Variants in KCNIP4 observed in about 807,000 individuals in gnomAD.
KCNIP4 encodes Kv channel-interacting protein 4.
A neutral mutation model predicts 34.0 loss-of-function variants in KCNIP4; 12 were observed. The observed-to-expected ratio is 0.35, with a 90% confidence interval of 0.23 to 0.57. The LOEUF (loss-of-function observed/expected upper bound fraction) is 0.57, where lower values mean the gene tolerates loss of function less well. Among genes scored for constraint, KCNIP4 ranks in the 20% least tolerant of loss-of-function variants. The pLI, the probability that KCNIP4 is intolerant of heterozygous loss-of-function variation, is 0.83. For missense variants in KCNIP4, 238 were observed against 311.7 expected (o/e 0.76, Z 1.78); for synonymous variants, 124 against 102.2 (o/e 1.21, Z -1.29).
Position 21,694,186 on chromosome 4 carries a change from C to T in KCNIP4, c.61+254385G>A, listed in dbSNP as rs79334677. Reference sequence around the variant, plus strand: ...ATATGATAGGGTGTTGTATGGGTTCCTATCATACACAAATAGAAGTGTCGT... The same window carrying T: ...ATATGATAGGGTGTTGTATGGGTTCTTATCATACACAAATAGAAGTGTCGT... On this transcript the variant is annotated intron_variant, in intron 1 of 8. Coordinates refer to ENST00000382152, the MANE Select transcript of KCNIP4 (RefSeq NM_025221.6). 1.8e-3 allele frequency among the ~76,000 whole-genome samples: 274 copies of T among 152,240 alleles called. 7 individuals are homozygous for T. The South Asian group carries it at 0.036, about 20-fold the overall frequency.
chr4:21,885,496 A>G (rs1346483967), intron 1 of KCNIP4, among the ~76,000 whole-genome samples: 3 of 152,122 alleles, frequency 2.0e-5, no homozygotes, highest in Non-Finnish European at 4.4e-5. Context: ...ACTGCAGGAA[A>G]TAGAAATGAA....
chr4:20,960,895 G>A (rs1733783290), intron 1 of KCNIP4, among the ~76,000 whole-genome samples: 1 of 152,176 alleles, frequency 6.6e-6, no homozygotes, highest in South Asian at 2.1e-4. Context: ...GATTAAGGAA[G>A]TCTCTAATAA....
chr4:21,718,980 T>C (rs1714594671), intron 1 of KCNIP4: 1 of 152,226 alleles, frequency 6.6e-6, no homozygotes, highest in Non-Finnish European at 1.5e-5. Context: ...ACTGCATTTG[T>C]CATTTTAAGA....
chr4:20,864,063 T>TATGTATACGTATGTATGTATGTATATGC (rs1375416116), intron 2 of KCNIP4, among the ~76,000 whole-genome samples: 3 of 148,676 alleles, frequency 2.0e-5, no homozygotes, highest in African/African-American at 7.5e-5. Flanking sequence ...TATACACATG[T>TATGTATACGTATGTATGTATGTATATGC]ATGTATACGT....
chr4:21,834,804 G>C (rs1054791985), intron 1 of KCNIP4, among the ~76,000 whole-genome samples: 9 of 151,980 alleles, frequency 5.9e-5, no homozygotes, highest in Non-Finnish European at 8.8e-5. Context: ...TAGCATGAAG[G>C]GTTGTTGAAT....
chr4:21,881,707 G>A (rs1016526307), intron 1 of KCNIP4, among the ~76,000 whole-genome samples: 2 of 152,128 alleles, frequency 1.3e-5, no homozygotes, highest in African/African-American at 4.8e-5. Context: ...GTAAATAAAG[G>A]TCATTTATGT....
chr4:20,916,696 C>T (rs576095195), intron 1 of KCNIP4, among the ~76,000 whole-genome samples: 3 of 151,972 alleles, frequency 2.0e-5, no homozygotes, highest in African/African-American at 4.8e-5. Context: ...TTCCCTCCCC[C>T]GGGCAGTTTT....
At chr4:21,347,280 C>A (rs1717540364) in intron 1 of KCNIP4, among the ~76,000 whole-genome samples, 1 of 152,136 alleles carries the variant, frequency 6.6e-6, no homozygotes. Context: ...CTAGAGGAAC[C>A]AAAGGAGCAG....
chr4:21,127,731 T>A (rs1031786984), intron 1 of KCNIP4, among the ~76,000 whole-genome samples: 3 of 152,254 alleles, frequency 2.0e-5, no homozygotes, highest in Non-Finnish European at 2.9e-5. Context: ...TAGTAAATCG[T>A]GATTTTGAAC....
chr4:21,435,085 C>T (rs768297686), intron 1 of KCNIP4, among the ~76,000 whole-genome samples: 4 of 152,048 alleles, frequency 2.6e-5, no homozygotes, highest in East Asian at 1.9e-4. Flanking sequence ...AAACAGGGGT[C>T]GCTCTTTTCT....
At chr4:21,380,773 A>C (rs184855625) in intron 1 of KCNIP4, among the ~76,000 whole-genome samples, 14 of 151,774 alleles carry the variant, frequency 9.2e-5, no homozygotes, top group Admixed American at 6.6e-4. Flanking sequence ...AACCCTCAAA[A>C]CTGATTTTCC....
intron 1 of KCNIP4, among the ~76,000 whole-genome samples, chr4:21,092,461 T>C (rs1747079585): frequency 6.6e-6 from 1 of 152,246 alleles, no homozygotes; most frequent in Non-Finnish European, 1.5e-5. Context: ...ATATTGCTTT[T>C]CTTCTTTTAT....
At chr4:21,313,327 C>T (rs1425056100) in intron 1 of KCNIP4, among the ~76,000 whole-genome samples, 1 of 152,184 alleles carries the variant, frequency 6.6e-6, no homozygotes, top group Non-Finnish European at 1.5e-5. Flanking sequence ...ACATGCTGTA[C>T]TTCCTCACTG....
intron 3 of KCNIP4, among the ~76,000 whole-genome samples, chr4:20,828,559 T>A (rs1718050176): frequency 1.3e-5 from 2 of 152,220 alleles, no homozygotes; most frequent in African/African-American, 2.4e-5. Flanking sequence ...ATAGTGACCA[T>A]CTACATTGCA....
intron 1 of KCNIP4, among the ~76,000 whole-genome samples, chr4:20,959,735 A>G (rs1314561015): frequency 6.6e-6 from 1 of 152,182 alleles, no homozygotes; most frequent in Non-Finnish European, 1.5e-5. Context: ...CCTTCAACAC[A>G]GAAACCTTAT....
intron 1 of KCNIP4, among the ~76,000 whole-genome samples, chr4:21,609,680 G>C (rs1743998779): frequency 6.6e-6 from 1 of 152,124 alleles, no homozygotes; most frequent in African/African-American, 2.4e-5. Flanking sequence ...GAAGAAGATT[G>C]CTTCCTTAAA....
chr4:21,525,017 T>A (rs890724790), intron 1 of KCNIP4, among the ~76,000 whole-genome samples: 2 of 152,122 alleles, frequency 1.3e-5, no homozygotes, highest in African/African-American at 2.4e-5. Flanking sequence ...CTTGAAGCTA[T>A]CAGAAAGTCA....
intron 1 of KCNIP4, among the ~76,000 whole-genome samples, chr4:21,902,566 T>C (rs752031957): frequency 2.0e-5 from 3 of 151,968 alleles, no homozygotes; most frequent in Non-Finnish European, 2.9e-5. Flanking sequence ...CTAGATATTA[T>C]AGAGTGAAAG....
chr4:21,008,471 G>T (rs1300509952), intron 1 of KCNIP4, among the ~76,000 whole-genome samples: 2 of 152,036 alleles, frequency 1.3e-5, no homozygotes, highest in Non-Finnish European at 2.9e-5. Flanking sequence ...AATACTTATG[G>T]ATTAGAATAA....
Sources: gnomAD v4.1 joint callset for allele counts (sites outside exome capture counted in the v4.1 genomes callset) on GRCh38, gnomAD v4.1.1 for gene constraint, MANE v1.5 for transcripts, NCBI Gene and HGNC (gene_info 2026-07-23, HGNC 2026-07-21) for gene names.